EDIL3: variants seen among roughly 807,000 people sequenced by gnomAD.
The protein encoded by EDIL3 is EGF-like repeat and discoidin I-like domain-containing protein 3.
Under a neutral mutation model 67.4 loss-of-function variants are expected in EDIL3, and 37 were observed. The ratio of observed to expected loss-of-function variants is 0.55; its 90% CI spans 0.42 to 0.72. The LOEUF (loss-of-function observed/expected upper bound fraction) is 0.72. EDIL3 is among the 30% of genes least tolerant of loss of function. The pLI, the probability that EDIL3 is intolerant of heterozygous loss-of-function variation, is 0.00. For synonymous variants in EDIL3, 195 were observed against 196.3 expected (o/e 0.99, Z 0.05); for missense variants, 527 against 586.3 (o/e 0.90, Z 1.04).
chr5:84,229,508 CTTAATT>C (rs1352940687), intron 3 of EDIL3, among the ~76,000 whole-genome samples: 3 of 152,072 alleles, frequency 2.0e-5, no homozygotes, highest in Non-Finnish European at 4.4e-5. Context: ...CCTTTTTAAT[CTTAATT>C]TTATCATTCA....
intron 3 of EDIL3, among the ~76,000 whole-genome samples, chr5:84,221,034 TTATTTAATCTATATTTAAATGA>T (rs1239034794): frequency 2.6e-5 from 4 of 152,186 alleles, no homozygotes; most frequent in Non-Finnish European, 5.9e-5. Context: ...GTGTGAGTTG[TTATTTAATCTATATTTAAATGA>T]TATTTAATCT....
At chr5:84,163,734 G>A (rs868020981) in intron 4 of EDIL3, among the ~76,000 whole-genome samples, 1 of 151,996 alleles carries the variant, frequency 6.6e-6, no homozygotes. Flanking sequence ...CATAAGGAAA[G>A]TTTTAGCAAA....
chr5:84,081,063 A>G (rs1363850701), intron 6 of EDIL3, among the ~76,000 whole-genome samples: 2 of 152,248 alleles, frequency 1.3e-5, no homozygotes, highest in Non-Finnish European at 2.9e-5. Context: ...AAAACTTCCA[A>G]TTAAAGTGAA....
intron 1 of EDIL3, among the ~76,000 whole-genome samples, chr5:84,366,088 T>C (rs895703824): frequency 2.6e-5 from 4 of 152,038 alleles, no homozygotes; most frequent in Non-Finnish European, 4.4e-5. Flanking sequence ...GCTCAAAGAC[T>C]GAAGTCTTTT....
At chr5:84,258,504 A>G (rs1745163172) in intron 1 of EDIL3, among the ~76,000 whole-genome samples, 1 of 152,182 alleles carries the variant, frequency 6.6e-6, no homozygotes, top group Non-Finnish European at 1.5e-5. Context: ...ATCCAGGTAG[A>G]GTGAGGGCCT....
chr5:84,022,929 T>C (rs1165628138), intron 9 of EDIL3, among the ~76,000 whole-genome samples: 2 of 151,986 alleles, frequency 1.3e-5, no homozygotes, highest in Non-Finnish European at 2.9e-5. Context: ...ATAGAAATGA[T>C]AAACACTCAA....
chr5:84,129,454 T>C (rs1747922953), intron 5 of EDIL3, among the ~76,000 whole-genome samples: 1 of 152,070 alleles, frequency 6.6e-6, no homozygotes, highest in Non-Finnish European at 1.5e-5. Context: ...GATTTACCCA[T>C]AGTCAATTCC....
intron 1 of EDIL3, among the ~76,000 whole-genome samples, chr5:84,259,507 T>C (rs1440103833): frequency 6.6e-6 from 1 of 152,182 alleles, no homozygotes; most frequent in African/African-American, 2.4e-5. Flanking sequence ...CCATCTGCAG[T>C]TTATGGCAGA....
intron 10 of EDIL3, among the ~76,000 whole-genome samples, chr5:83,946,362 C>G (rs1744308879): frequency 6.6e-6 from 1 of 151,890 alleles, no homozygotes; most frequent in Admixed American, 6.6e-5. Flanking sequence ...GTCTCTCAGG[C>G]TTTTTCTAAC....
At chr5:84,005,504 T>C (rs1745395635) in intron 9 of EDIL3, among the ~76,000 whole-genome samples, 1 of 152,156 alleles carries the variant, frequency 6.6e-6, no homozygotes, top group Admixed American at 6.6e-5. Flanking sequence ...ATTCCTGGGA[T>C]ACAAGGTTGG....
intron 3 of EDIL3, among the ~76,000 whole-genome samples, chr5:84,209,126 C>T (rs1173635989): frequency 6.7e-6 from 1 of 149,938 alleles, no homozygotes; most frequent in Non-Finnish European, 1.5e-5. Context: ...ATCGCAAGGA[C>T]AAAAAACCAA....
At chr5:84,042,838 G>T in intron 9 of EDIL3, among the ~76,000 whole-genome samples, 1 of 152,094 alleles carries the variant, frequency 6.6e-6, no homozygotes, top group East Asian at 1.9e-4. Flanking sequence ...AATGTCTACT[G>T]CTTATGTTTG....
At chr5:84,283,879 C>T (rs989462661) in intron 1 of EDIL3, among the ~76,000 whole-genome samples, 2 of 152,182 alleles carry the variant, frequency 1.3e-5, no homozygotes, top group African/African-American at 2.4e-5. Context: ...CAAACCACCC[C>T]GCAAAACTTT....
At chr5:84,080,475 A>C (rs900869533) in intron 6 of EDIL3, among the ~76,000 whole-genome samples, 2 of 151,760 alleles carry the variant, frequency 1.3e-5, no homozygotes, top group African/African-American at 4.8e-5. Flanking sequence ...TGCTAAGCCA[A>C]CTCTCTTCTG....
intron 1 of EDIL3, among the ~76,000 whole-genome samples, chr5:84,325,667 CA>C (rs1355427840): frequency 6.6e-6 from 1 of 151,940 alleles, no homozygotes; most frequent in Non-Finnish European, 1.5e-5. Context: ...GGCAGTTTCT[CA>C]AAGACATATG....
intron 7 of EDIL3, 73 bp from the exon 8 acceptor site, chr5:84,064,917 T>C (rs1323557873): frequency 1.4e-6 from 2 of 1,448,304 alleles, no homozygotes; most frequent in African/African-American, 2.9e-5. Flanking sequence ...ACCCTATCTA[T>C]ACCTTATCGA....
chr5:84,112,761 G>A (rs1289980715), intron 5 of EDIL3, among the ~76,000 whole-genome samples: 1 of 152,062 alleles, frequency 6.6e-6, no homozygotes, highest in Non-Finnish European at 1.5e-5. Context: ...CCCCTTTGTA[G>A]GCAAAGATTA....
intron 8 of EDIL3, among the ~76,000 whole-genome samples, chr5:84,061,267 T>C (rs1222723092): frequency 3.9e-5 from 6 of 152,182 alleles, no homozygotes; most frequent in Non-Finnish European, 5.9e-5. Context: ...ACATGTATTT[T>C]TGAGTTTAAT....
chr5:84,181,409 C>G (rs1473487449), intron 3 of EDIL3, among the ~76,000 whole-genome samples: 1 of 152,170 alleles, frequency 6.6e-6, no homozygotes, highest in Admixed American at 6.6e-5. Context: ...CTGGGCCAGT[C>G]GTGCCTGACC....
Sources: allele counts gnomAD v4.1 joint callset (sites outside exome capture counted in the v4.1 genomes callset), GRCh38; gene constraint gnomAD v4.1.1; transcripts MANE v1.5; gene names NCBI Gene and HGNC (gene_info 2026-07-23, HGNC 2026-07-21).